The following TAF4B variants were observed in gnomAD, a reference collection of about 807,000 sequenced individuals.
The protein encoded by TAF4B is TATA-box binding protein associated factor 4b, also known as transcription initiation factor TFIID subunit 4B.
Under a neutral mutation model 86.4 loss-of-function variants are expected in TAF4B, and 38 were observed. The observed-to-expected ratio is 0.44, with a 90% CI of 0.34 to 0.58. The LOEUF is 0.58. TAF4B is among the 20% of genes least tolerant of loss of function. The pLI is 0.02. For synonymous variants in TAF4B, 388 were observed against 391.2 expected (o/e 0.99, Z 0.10); for missense variants, 988 against 1,027.6 (o/e 0.96, Z 0.53).
chr18:26,229,509 T>TTTTTTTTTTTA (rs2055630862), intron 1 of TAF4B, among the ~76,000 whole-genome samples: 1 of 149,712 alleles, frequency 6.7e-6, no homozygotes. Flanking sequence ...TTTTTTTTTT[T>TTTTTTTTTTTA]TTTCTTTCTC....
At chr18:26,323,021 C>G (rs1477783968) in intron 11 of TAF4B, among the ~76,000 whole-genome samples, 1 of 151,692 alleles carries the variant, frequency 6.6e-6, no homozygotes, top group African/African-American at 2.4e-5. Context: ...TGTTTAATTT[C>G]CAAATATGTG....
intron 10 of TAF4B, among the ~76,000 whole-genome samples, chr18:26,320,010 T>A (rs994786032): frequency 6.6e-6 from 1 of 152,222 alleles, no homozygotes; most frequent in Non-Finnish European, 1.5e-5. Flanking sequence ...GAAGGGTTGG[T>A]TTAGGAGAAG....
chr18:26,268,187 C>T (rs2144548064), intron 3 of TAF4B, among the ~76,000 whole-genome samples: 1 of 152,278 alleles, frequency 6.6e-6, no homozygotes, highest in East Asian at 1.9e-4. Flanking sequence ...TGGAGGCTGT[C>T]TAATATCATT....
chr18:26,296,923 T>C (rs999596152), intron 9 of TAF4B, among the ~76,000 whole-genome samples: 16 of 18,508 alleles, frequency 8.6e-4, no homozygotes, highest in African/African-American at 1.4e-3. Flanking sequence ...GTGGATCACT[T>C]GAGTCAAGAG....
chr18:26,300,653 C>T (rs1278276041), intron 9 of TAF4B, among the ~76,000 whole-genome samples: 1 of 151,934 alleles, frequency 6.6e-6, no homozygotes, highest in Non-Finnish European at 1.5e-5. Flanking sequence ...CTCAGTGTGA[C>T]TAATTTTGAT....
At chr18:26,248,061 A>G (rs1199449510) in intron 1 of TAF4B, among the ~76,000 whole-genome samples, 3 of 87,850 alleles carry the variant, frequency 3.4e-5, no homozygotes, top group East Asian at 6.5e-4. Flanking sequence ...TTTTTTTGGT[A>G]CATTTGGGAT....
chr18:26,248,062 C>T lies in TAF4B; in HGVS notation c.344-17108C>T, dbSNP rs1477360862. Among the ~76,000 whole-genome samples, 11 of 87,020 alleles carry T rather than the reference C, an allele frequency of 1.3e-4. No individual in the cohort carries two copies. The East Asian group carries it at 1.6e-3, about 13-fold the overall frequency. The allele number at this position is 87,020 out of a possible 152,430, so 57.1% of individuals were successfully genotyped here. A position where few individuals can be genotyped will look rare whatever the true frequency, so the allele number is the denominator to read the frequency against. On this transcript the variant is annotated intron_variant, in intron 1 of 14. Coordinates refer to ENST00000269142, the MANE Select transcript of TAF4B (RefSeq NM_005640.3). Reference sequence around the variant, plus strand: ...AGCTAATTTTTTTTTTTTTTTGGTACATTTGGGATCTCACTGTTTCCCAGG... The same window carrying T: ...AGCTAATTTTTTTTTTTTTTTGGTATATTTGGGATCTCACTGTTTCCCAGG...
intron 14 of TAF4B, among the ~76,000 whole-genome samples, chr18:26,378,111 G>C (rs1598840982): frequency 6.6e-6 from 1 of 152,074 alleles, no homozygotes; most frequent in East Asian, 1.9e-4. Flanking sequence ...GTGAAGGGGT[G>C]GTGTTTTGAC....
chr18:26,262,711 C>T (rs2056187114), intron 1 of TAF4B, among the ~76,000 whole-genome samples: 1 of 152,100 alleles, frequency 6.6e-6, no homozygotes, highest in Non-Finnish European at 1.5e-5. Context: ...AAACTCCTGG[C>T]CTCAAGTGAT....
At chr18:26,239,811 G>C (rs1483592377) in intron 1 of TAF4B, among the ~76,000 whole-genome samples, 1 of 152,164 alleles carries the variant, frequency 6.6e-6, no homozygotes, top group African/African-American at 2.4e-5. Context: ...CATATGGCTA[G>C]CCAGTTTTCC....
chr18:26,236,905 A>G (rs971900358), intron 1 of TAF4B, among the ~76,000 whole-genome samples: 2 of 151,832 alleles, frequency 1.3e-5, no homozygotes, highest in South Asian at 2.1e-4. Flanking sequence ...TTGAGGATCA[A>G]TTAACCCTCA....
chr18:26,336,349 C>T (rs951447991), intron 13 of TAF4B, among the ~76,000 whole-genome samples: 3 of 152,080 alleles, frequency 2.0e-5, no homozygotes, highest in Non-Finnish European at 4.4e-5. Flanking sequence ...CCAGCAGCAG[C>T]AGGTTATTTA....
intron 9 of TAF4B, 134 bp from the exon 10 acceptor site, chr18:26,315,095 A>ACTAACT: frequency 4.6e-6 from 1 of 218,604 alleles, no homozygotes; most frequent in East Asian, 9.6e-5. Context: ...GCTCTCTGAA[A>ACTAACT]CTCTCTCTCT....
chr18:26,279,589 C>T (rs1323154017), intron 5 of TAF4B, among the ~76,000 whole-genome samples: 2 of 149,410 alleles, frequency 1.3e-5, no homozygotes, highest in Non-Finnish European at 3.0e-5. Flanking sequence ...AGTGGCATCA[C>T]ATTACCTGAC....
chr18:26,321,613 ATATT>A (rs1023229676), intron 11 of TAF4B, among the ~76,000 whole-genome samples: 1 of 149,630 alleles, frequency 6.7e-6, no homozygotes, highest in Non-Finnish European at 1.5e-5. Context: ...TTTATTGTAT[ATATT>A]AATATTTAAG....
At chr18:26,253,018 C>A (rs1433523689) in intron 1 of TAF4B, among the ~76,000 whole-genome samples, 1 of 152,090 alleles carries the variant, frequency 6.6e-6, no homozygotes, top group East Asian at 1.9e-4. Flanking sequence ...TAATTTTACT[C>A]ATTCCCTTCT....
At chr18:26,300,214 C>T (rs1215549494) in intron 9 of TAF4B, among the ~76,000 whole-genome samples, 2 of 151,824 alleles carry the variant, frequency 1.3e-5, no homozygotes, top group East Asian at 1.9e-4. Context: ...GTCTTGAACT[C>T]CTGGGCCCAA....
At chr18:26,269,878 A>G (rs1405838645) in intron 3 of TAF4B, among the ~76,000 whole-genome samples, 2 of 152,210 alleles carry the variant, frequency 1.3e-5, no homozygotes, top group East Asian at 1.9e-4. Flanking sequence ...TGTACTGATT[A>G]TCTCAAAACC....
chr18:26,249,746 T>C (rs1240625567), intron 1 of TAF4B, among the ~76,000 whole-genome samples: 2 of 152,138 alleles, frequency 1.3e-5, no homozygotes, highest in Non-Finnish European at 2.9e-5. Context: ...AGAGACAAAG[T>C]CTCATTCTTT....
Sources: gnomAD v4.1 joint callset for allele counts (sites outside exome capture counted in the v4.1 genomes callset) on GRCh38, gnomAD v4.1.1 for gene constraint, MANE v1.5 for transcripts, NCBI Gene and HGNC (gene_info 2026-07-23, HGNC 2026-07-21) for gene names.